The following KCNQ5 variants were observed in gnomAD, a reference collection of about 807,000 sequenced individuals.
KCNQ5 encodes potassium voltage-gated channel subfamily Q member 5.
KCNQ5 carries 30 observed loss-of-function variants against 98.2 expected under a neutral mutation model. The observed-to-expected ratio is 0.31, with a 90% CI of 0.23 to 0.41. The LOEUF is 0.41. Among genes scored for constraint, KCNQ5 ranks in the 10% least tolerant of loss-of-function variants. KCNQ5 has a pLI of 1.00. For synonymous variants in KCNQ5, 458 were observed against 449.4 expected (o/e 1.02, Z -0.24); for missense variants, 835 against 1,182.5 (o/e 0.71, Z 4.31).
At chr6:73,162,774 T>A (rs1188771235) in intron 10 of KCNQ5, among the ~76,000 whole-genome samples, 1 of 152,116 alleles carries the variant, frequency 6.6e-6, no homozygotes, top group Non-Finnish European at 1.5e-5. Context: ...GAAAAAAAAA[T>A]TGGTTCTTGG....
chr6:72,810,849 C>T (rs1684730253), intron 1 of KCNQ5, among the ~76,000 whole-genome samples: 1 of 152,206 alleles, frequency 6.6e-6, no homozygotes, highest in African/African-American at 2.4e-5. Flanking sequence ...TTTTCCCCAG[C>T]TACAACTATG....
intron 1 of KCNQ5, among the ~76,000 whole-genome samples, chr6:72,878,994 A>G (rs1365253690): frequency 6.6e-6 from 1 of 152,052 alleles, no homozygotes; most frequent in East Asian, 1.9e-4. Flanking sequence ...CATATTTTGG[A>G]TAAGCATTAT....
chr6:72,919,985 G>A (rs1780320801), intron 1 of KCNQ5, among the ~76,000 whole-genome samples: 3 of 152,016 alleles, frequency 2.0e-5, no homozygotes, highest in Non-Finnish European at 2.9e-5. Flanking sequence ...GTCTTGCAGC[G>A]GCACTGCCTC....
At chr6:73,027,449 T>C (rs903817298) in intron 2 of KCNQ5, among the ~76,000 whole-genome samples, 3 of 152,206 alleles carry the variant, frequency 2.0e-5, no homozygotes, top group East Asian at 1.9e-4. Flanking sequence ...TTTAAGATGA[T>C]TGAAAGGGGG....
intron 1 of KCNQ5, among the ~76,000 whole-genome samples, chr6:72,764,737 C>T (rs530104451): frequency 2.0e-5 from 3 of 151,898 alleles, no homozygotes; most frequent in South Asian, 2.1e-4. Context: ...ACCCATTAAC[C>T]ATTCCTACTT....
intron 3 of KCNQ5, among the ~76,000 whole-genome samples, chr6:73,070,748 A>G (rs973363083): frequency 5.9e-5 from 9 of 152,176 alleles, no homozygotes; most frequent in Non-Finnish European, 1.2e-4. Flanking sequence ...ATTCGTCTTC[A>G]TTAACTAGAA....
intron 1 of KCNQ5, among the ~76,000 whole-genome samples, chr6:72,743,042 C>T (rs1771209461): frequency 6.6e-6 from 1 of 152,094 alleles, no homozygotes; most frequent in African/African-American, 2.4e-5. Flanking sequence ...TTAAAATTGT[C>T]CATGTGAAAG....
intron 3 of KCNQ5, among the ~76,000 whole-genome samples, chr6:73,046,329 C>T (rs564145114): frequency 6.6e-6 from 1 of 152,252 alleles, no homozygotes; most frequent in South Asian, 2.1e-4. Flanking sequence ...CACTCTTCTG[C>T]AACTTATTAC....
chr6:73,150,461 A>G (rs1004838996), intron 10 of KCNQ5, among the ~76,000 whole-genome samples: 3 of 146,834 alleles, frequency 2.0e-5, no homozygotes, highest in African/African-American at 7.4e-5. Context: ...TATATATTTT[A>G]TTATATATTA....
chr6:72,936,881 T>C (rs1765945082), intron 1 of KCNQ5, among the ~76,000 whole-genome samples: 1 of 152,206 alleles, frequency 6.6e-6, no homozygotes, highest in Non-Finnish European at 1.5e-5. Flanking sequence ...GACTCTGTCT[T>C]AACATTATCA....
intron 1 of KCNQ5, among the ~76,000 whole-genome samples, chr6:72,867,017 C>T (rs1347179941): frequency 1.3e-5 from 2 of 152,112 alleles, no homozygotes; most frequent in African/African-American, 4.8e-5. Flanking sequence ...ACTGCCACAA[C>T]TGATATAGGC....
chr6:73,185,112 G>A (rs534950825), intron 11 of KCNQ5, among the ~76,000 whole-genome samples: 1 of 152,180 alleles, frequency 6.6e-6, no homozygotes, highest in Non-Finnish European at 1.5e-5. Flanking sequence ...TGGTGTGTTA[G>A]GTACTAAGCT....
intron 5 of KCNQ5, among the ~76,000 whole-genome samples, chr6:73,097,265 T>C (rs1401028062): frequency 6.6e-6 from 1 of 150,972 alleles, no homozygotes; most frequent in African/African-American, 2.4e-5. Context: ...AGCATACTAC[T>C]CTCTTCTACC....
intron 2 of KCNQ5, among the ~76,000 whole-genome samples, chr6:73,018,158 G>T (rs117712639): frequency 0.017 from 2,531 of 152,226 alleles, 25 homozygotes; most frequent in Middle Eastern, 0.054. Flanking sequence ...ATAATGACTG[G>T]AGAATTTGTG....
Position 73,027,341 on chromosome 6 carries a change from T to A in KCNQ5, c.490-14595T>A, listed in dbSNP as rs1770934816. Among the ~76,000 whole-genome samples, 4 of 152,208 alleles carry A rather than the reference T, an allele frequency of 2.6e-5. No homozygotes were observed. The South Asian group carries it at 6.2e-4, about 24-fold the overall frequency. On this transcript the variant is annotated intron_variant, in intron 2 of 13. Transcript: ENST00000370398. ...GCTGCCTCCACAGATTGCAGGAACC[T>A]GGAACTTACCTGTGGGACAGACCGA...
intron 10 of KCNQ5, among the ~76,000 whole-genome samples, chr6:73,153,014 G>T (rs1197696147): frequency 6.6e-6 from 1 of 152,188 alleles, no homozygotes; most frequent in Non-Finnish European, 1.5e-5. Context: ...CTCATCTAAA[G>T]ATTTCTATCT....
chr6:73,124,534 A>G (rs1335456294), intron 9 of KCNQ5, 22 bp downstream of exon 9: 1 of 1,611,508 alleles, frequency 6.2e-7, no homozygotes, highest in Non-Finnish European at 8.5e-7. Context: ...CTCTCTTGCT[A>G]CATGTTTGTT....
chr6:73,080,833 C>T (rs933564303), intron 5 of KCNQ5, among the ~76,000 whole-genome samples: 3 of 152,162 alleles, frequency 2.0e-5, no homozygotes, highest in African/African-American at 7.2e-5. Context: ...ATTTTCAATA[C>T]TAACTCTGGA....
chr6:73,194,708 G>A lies in KCNQ5; in HGVS notation c.2093G>A (p.Ser698Asn), dbSNP rs146237131. 6.8e-6 allele frequency: 11 copies of A among 1,614,132 alleles called. No homozygotes were observed. In the African/African-American group the frequency reaches 1.5e-4, roughly 22 times the overall value. Residue 698 changes from serine to asparagine, a missense_variant, in exon 14 of 14, where the codon AGT becomes AAT. Ser to Asn is a conservative substitution (Grantham distance 46). Coordinates refer to ENST00000370398, the MANE Select transcript of KCNQ5 (RefSeq NM_019842.4). Reference sequence around the variant, plus strand: ...TTCATTCTGACGCCAAATGAGTTCAGTGCCCAGACTTTCTACGCGCTTAGC... The same window carrying A: ...TTCATTCTGACGCCAAATGAGTTCAATGCCCAGACTTTCTACGCGCTTAGC... ...LQFILTPNEF[S>N]AQTFYALSPT...
Sources: allele counts gnomAD v4.1 joint callset (sites outside exome capture counted in the v4.1 genomes callset), GRCh38; gene constraint gnomAD v4.1.1; transcripts MANE v1.5; gene names NCBI Gene and HGNC (gene_info 2026-07-23, HGNC 2026-07-21).